Variants in TTK observed in about 807,000 individuals in gnomAD.
TTK encodes TTK protein kinase, also known as dual specificity protein kinase TTK.
In TTK, 59 loss-of-function variants were observed where a neutral mutation model predicts 117.3. That is an observed-to-expected ratio of 0.50 (90% CI 0.41 to 0.62). The LOEUF (loss-of-function observed/expected upper bound fraction) is 0.62. TTK is among the 20% of genes least tolerant of loss of function. The pLI is 0.00. For synonymous variants in TTK, 302 were observed against 325.0 expected (o/e 0.93, Z 0.76); for missense variants, 921 against 989.4 (o/e 0.93, Z 0.93).
At chr6:80,032,852 A>G (rs1767795469) in intron 14 of TTK, among the ~76,000 whole-genome samples, 1 of 152,108 alleles carries the variant, frequency 6.6e-6, no homozygotes. Context: ...ATTTTTTTAA[A>G]TTGTATATTG....
At chr6:80,033,702 A>C (rs532426789) in intron 14 of TTK, among the ~76,000 whole-genome samples, 88 of 152,288 alleles carry the variant, frequency 5.8e-4, no homozygotes, top group Admixed American at 8.5e-4. Context: ...TCCCACTAAC[A>C]ATAATTAGAA....
intron 8 of TTK, 116 bp from the exon 9 acceptor site, chr6:80,013,162 AT>A (rs988011180): frequency 2.9e-5 from 23 of 803,026 alleles, no homozygotes; most frequent in South Asian, 9.3e-5. Context: ...TTTTTAAGAG[AT>A]TTTTTTCAAT....
rs146566839 is a variant in TTK at position 80,016,461 on chromosome 6, A to G, written c.1108+1875A>G. On this transcript the variant is annotated intron_variant, in intron 10 of 21. Coordinates refer to ENST00000369798, the MANE Select transcript of TTK (RefSeq NM_003318.5). Reference sequence around the variant, plus strand: ...TGCATTTTGCATTTCCTTAATGTCTACTTTTGAACATCATTTCATATATTT... The same window carrying G: ...TGCATTTTGCATTTCCTTAATGTCTGCTTTTGAACATCATTTCATATATTT... Among the ~76,000 whole-genome samples the G allele has an allele frequency of 3.9e-5, 6 of 152,188 alleles. No individual in the cohort carries two copies. In the East Asian group the frequency reaches 1.2e-3, roughly 29 times the overall value.
chr6:80,009,181 C>T (rs555703504), intron 4 of TTK, among the ~76,000 whole-genome samples: 2 of 151,976 alleles, frequency 1.3e-5, no homozygotes, highest in Non-Finnish European at 2.9e-5. Flanking sequence ...TGTTTCCATT[C>T]TCCCACTGCC....
rs200787761 is a variant in TTK at position 80,036,431 on chromosome 6, A to G, written c.1925-44A>G. The G allele has an allele frequency of 5.2e-6, 8 of 1,546,246 alleles. No individual in the cohort carries two copies. The East Asian group carries it at 1.4e-4, about 27-fold the overall frequency. On this transcript the variant is annotated intron_variant, in intron 16 of 21. Coordinates refer to ENST00000369798, the MANE Select transcript of TTK (RefSeq NM_003318.5). ...GACTGTGAATTTTTTGGTCCTTAGA[A>G]TGTTTTGCATTGTTTAATATTACAG...
At chr6:80,036,920 A>G (rs1767921361) in intron 17 of TTK, among the ~76,000 whole-genome samples, 1 of 152,114 alleles carries the variant, frequency 6.6e-6, no homozygotes, top group East Asian at 1.9e-4. Context: ...TCCTTGTAGC[A>G]AAGAGGGAGT....
Position 80,038,016 on chromosome 6 carries a change from C to A in TTK, c.2099C>A (p.Ser700Tyr). The A allele has an allele frequency of 1.2e-6, 2 of 1,609,928 alleles. No homozygotes were observed. Among genetic ancestry groups the A allele is most frequent in the Admixed American group, 1.7e-5 (1 of 59,702 alleles). ...CCAGAAGCAATCAAAGATATGTCTT[C>A]CTCCAGAGAGAATGGGAAATCTAAG... Reference protein sequence around the residue: ...MPPEAIKDMSSSRENGKSKSK... With the variant: ...MPPEAIKDMSYSRENGKSKSK... Residue 700 changes from serine (S) to tyrosine (Y), a missense_variant, in exon 18 of 22, where the codon TCC (serine) becomes TAC (tyrosine). Transcript: ENST00000369798.
At chr6:80,041,866 A>G (rs147224200) in intron 21 of TTK, among the ~76,000 whole-genome samples, 1,983 of 151,760 alleles carry the variant, frequency 0.013, 19 homozygotes, top group South Asian at 0.022. Context: ...GCTCATATGT[A>G]TGTTTATTAG....
chr6:80,023,043 G>A (rs1582100351), intron 11 of TTK, among the ~76,000 whole-genome samples: 1 of 152,210 alleles, frequency 6.6e-6, no homozygotes, highest in East Asian at 1.9e-4. Flanking sequence ...TGGCTTTTCG[G>A]AAGGAATGAT....
chr6:80,034,824 T>C (rs1421385811), intron 14 of TTK, among the ~76,000 whole-genome samples, 161 bp from the exon 15 acceptor site: 1 of 152,094 alleles, frequency 6.6e-6, no homozygotes, highest in Non-Finnish European at 1.5e-5. Context: ...ATCAGAATTA[T>C]TTTTCTTCCT....
intron 10 of TTK, among the ~76,000 whole-genome samples, chr6:80,018,461 C>G (rs1048527645): frequency 3.0e-4 from 43 of 144,388 alleles, no homozygotes; most frequent in African/African-American, 9.4e-4. Context: ...GCTAAAAATA[C>G]AAAAAAAAAA....
At chr6:80,013,462 G>C in intron 9 of TTK, 96 bp downstream of exon 9, 2 of 1,005,026 alleles carry the variant, frequency 2.0e-6, no homozygotes, top group Non-Finnish European at 3.0e-6. Context: ...TTTATAAATA[G>C]TTCATGTATC....
At chr6:80,030,724 C>T (rs1223113555) in intron 13 of TTK, among the ~76,000 whole-genome samples, 1 of 152,148 alleles carries the variant, frequency 6.6e-6, no homozygotes, top group Non-Finnish European at 1.5e-5. Context: ...CACCTCTCAC[C>T]AGGCCCCGCC....
chr6:80,036,408 CTG>C lies in TTK; in HGVS notation c.1925-64_1925-63del, dbSNP rs547033284. The C allele has an allele frequency of 2.0e-5, 30 of 1,525,126 alleles. 2 individuals are homozygous for C. In the South Asian group the frequency reaches 2.5e-4, roughly 13 times the overall value. The allele number at this position is 1,525,126 out of a possible 1,614,324, so 94.5% of individuals were successfully genotyped here. On this transcript the variant is annotated intron_variant, in intron 16 of 21. Coordinates refer to ENST00000369798, the MANE Select transcript of TTK (RefSeq NM_003318.5). Reference sequence around the variant, plus strand: ...GAATAAATACAGCTTGACCTGTAGACTGTGAATTTTTTGGTCCTTAGAATGTT... The same window carrying C: ...GAATAAATACAGCTTGACCTGTAGACTGAATTTTTTGGTCCTTAGAATGTT...
Position 80,035,123 on chromosome 6 carries a change from A to C in TTK, c.1753A>C (p.Ile585Leu), listed in dbSNP as rs369548504. The C allele has an allele frequency of 6.4e-7, 1 of 1,562,018 alleles. No homozygotes were observed. The highest frequency in any genetic ancestry group is 1.4e-5 in the African/African-American group (1 of 72,086). The change falls in exon 15 of 22, where the codon ATC becomes CTC. Residue 585 changes from isoleucine to leucine, a missense_variant. Ile to Leu is a conservative substitution (Grantham distance 5). Coordinates refer to ENST00000369798, the MANE Select transcript of TTK (RefSeq NM_003318.5). ...TAAACTACAACAACACAGTGATAAG[A>C]TCATCCGACTTTATGATTAGTAAGA... ...LNKLQQHSDK[I>L]IRLYDYEITD...
intron 13 of TTK, among the ~76,000 whole-genome samples, chr6:80,029,532 A>G (rs753434314): frequency 1.8e-4 from 28 of 152,240 alleles, no homozygotes; most frequent in Admixed American, 1.8e-3. Flanking sequence ...TTGAGTTGCA[A>G]TCCAGAAGAC....
intron 4 of TTK, among the ~76,000 whole-genome samples, chr6:80,008,863 T>C (rs768164246): frequency 1.3e-5 from 2 of 151,758 alleles, no homozygotes; most frequent in Non-Finnish European, 1.5e-5. Context: ...TATGCTATGG[T>C]TTCATAGCAC....
intron 13 of TTK, among the ~76,000 whole-genome samples, chr6:80,031,176 T>C: frequency 6.6e-6 from 1 of 151,664 alleles, no homozygotes; most frequent in East Asian, 1.9e-4. Context: ...TATTTTTATA[T>C]ATATTTTTAA....
rs150795570 is a variant in TTK at position 80,038,100 on chromosome 6, C to G, written c.2130+53C>G. The G allele has an allele frequency of 7.8e-4, 1,040 of 1,335,736 alleles. 7 individuals carry two copies. In the African/African-American group the frequency reaches 0.013, roughly 16 times the overall value. The allele number at this position is 1,335,736 out of a possible 1,614,324, so 82.7% of individuals were successfully genotyped here. A position where few individuals can be genotyped will look rare whatever the true frequency, so the allele number is the denominator to read the frequency against. ...TTATCTGGCAACAGTAGGGAATGCA[C>G]TATTTTCTGAATAAACTTACCAGAT... On this transcript the variant is annotated intron_variant, in intron 18 of 21. Coordinates refer to ENST00000369798, the MANE Select transcript of TTK (RefSeq NM_003318.5).
Sources: allele counts gnomAD v4.1 joint callset (sites outside exome capture counted in the v4.1 genomes callset), GRCh38; gene constraint gnomAD v4.1.1; transcripts MANE v1.5; gene names NCBI Gene and HGNC (gene_info 2026-07-23, HGNC 2026-07-21).